The following ARPP21 variants were observed in gnomAD, a reference collection of about 807,000 sequenced individuals.
The protein encoded by ARPP21 is cAMP-regulated phosphoprotein 21.
Under a neutral mutation model 113.2 loss-of-function variants are expected in ARPP21, and 69 were observed. The observed-to-expected ratio is 0.61, with a 90% CI of 0.50 to 0.74. The LOEUF is 0.74. Ranked by LOEUF, ARPP21 falls within the 30% of genes least tolerant of loss-of-function variation. The pLI, the probability that ARPP21 is intolerant of heterozygous loss-of-function variation, is 0.00. For synonymous variants in ARPP21, 368 were observed against 375.5 expected (o/e 0.98, Z 0.23); for missense variants, 1,070 against 1,037.4 (o/e 1.03, Z -0.43).
chr3:35,732,955 T>C (rs1032634794), intron 15 of ARPP21, among the ~76,000 whole-genome samples: 6 of 152,212 alleles, frequency 3.9e-5, no homozygotes, highest in African/African-American at 1.2e-4. Flanking sequence ...AAGTTAATCC[T>C]TGTCTATCCA....
chr3:35,739,434 C>T lies in ARPP21; in HGVS notation c.1867C>T (p.Gln623Ter). 1 of 1,614,172 alleles carries T rather than the reference C, an allele frequency of 6.2e-7. No individual in the cohort carries two copies. Among genetic ancestry groups the T allele is most frequent in the Non-Finnish European group, 8.5e-7 (1 of 1,180,036 alleles). Reference protein sequence around the residue: ...YPSSLMPQPAQQPSYVIASTG... With the variant: ...YPSSLMPQPA ...ATCCTCCCTTATGCCACAGCCGGCC[C>T]AGCAGCCCAGCTATGTAATCGCCTC... Residue 623 changes from glutamine (Q) to a stop codon, truncating the protein, a stop_gained, in exon 18 of 21, where the codon CAG becomes TAG. Coordinates refer to ENST00000684406, the MANE Select transcript of ARPP21 (RefSeq NM_001385562.1). LOFTEE classifies it high-confidence loss of function.
At chr3:35,734,917 G>C (rs989411068) in intron 15 of ARPP21, among the ~76,000 whole-genome samples, 4 of 152,170 alleles carry the variant, frequency 2.6e-5, no homozygotes, top group Admixed American at 2.0e-4. Flanking sequence ...ATGAGACCTA[G>C]AGTATATCTA....
At chr3:35,778,855 A>G (rs1225915440) in intron 19 of ARPP21, among the ~76,000 whole-genome samples, 1 of 152,226 alleles carries the variant, frequency 6.6e-6, no homozygotes, top group Non-Finnish European at 1.5e-5. Context: ...AAGGTGCACC[A>G]GGAATTGTTA....
intron 19 of ARPP21, chr3:35,774,722 T>C (rs1487533594): frequency 6.6e-6 from 1 of 152,152 alleles, no homozygotes; most frequent in African/African-American, 2.4e-5. Flanking sequence ...CTATGTACAA[T>C]TAAGTAGAAA....
intron 19 of ARPP21, among the ~76,000 whole-genome samples, chr3:35,789,988 C>T (rs553549814): frequency 3.3e-5 from 5 of 152,290 alleles, no homozygotes; most frequent in African/African-American, 9.6e-5. Context: ...TAAGGAAATA[C>T]GTAAATAATC....
intron 14 of ARPP21, among the ~76,000 whole-genome samples, chr3:35,724,085 C>T (rs148642621): frequency 1.3e-5 from 2 of 152,302 alleles, no homozygotes; most frequent in East Asian, 3.9e-4. Context: ...TCTTCTCCTC[C>T]TCTAATTACA....
rs1697534500 is a variant in ARPP21 at position 35,639,909 on chromosome 3, G to T, written c.-702G>T. On this transcript the variant is annotated 5_prime_UTR_variant, in exon 1 of 21. Transcript: ENST00000684406. The surrounding 1 kb of genome is among the most constrained non-coding windows in gnomAD (Gnocchi z 5.0). ...TGCGAGAGTGGCAGCTTTGAGAGCA[G>T]AGCGCAGCAAAGCGAGAATCCCGCG... 1.3e-5 allele frequency: 2 copies of T among 152,368 alleles called. No homozygotes were observed. The highest frequency in any genetic ancestry group is 6.5e-5 in the Admixed American group (1 of 15,284). The allele number at this position is 152,368 out of a possible 1,614,324, so 9.4% of individuals were successfully genotyped here.
chr3:35,742,973 T>C (rs1260765350), intron 18 of ARPP21, among the ~76,000 whole-genome samples: 2 of 152,210 alleles, frequency 1.3e-5, no homozygotes, highest in African/African-American at 4.8e-5. Context: ...TTGATTTGGA[T>C]CATAATCAAA....
At chr3:35,654,895 CTTAA>C (rs1559520672) in intron 1 of ARPP21, among the ~76,000 whole-genome samples, 1 of 151,988 alleles carries the variant, frequency 6.6e-6, no homozygotes, top group Non-Finnish European at 1.5e-5. Flanking sequence ...AAAGACAATG[CTTAA>C]TTTTTATTAA....
At chr3:35,700,767 A>C (rs2086049442) in intron 9 of ARPP21, among the ~76,000 whole-genome samples, 1 of 151,830 alleles carries the variant, frequency 6.6e-6, no homozygotes, top group South Asian at 2.1e-4. Context: ...ACATTTGTAG[A>C]TTAACACTAG....
At chr3:35,671,069 C>T (rs957050183) in intron 1 of ARPP21, among the ~76,000 whole-genome samples, 2 of 152,122 alleles carry the variant, frequency 1.3e-5, no homozygotes, top group Admixed American at 1.3e-4. Flanking sequence ...ATTTGCTGTA[C>T]CAGAGTCTCT....
intron 9 of ARPP21, 82 bp downstream of exon 9, chr3:35,691,087 G>A: frequency 1.4e-6 from 2 of 1,395,094 alleles, no homozygotes; most frequent in Non-Finnish European, 1.9e-6. Context: ...AAAATTCACA[G>A]TACATGACAT....
chr3:35,730,756 G>A (rs1292582551), intron 15 of ARPP21, among the ~76,000 whole-genome samples: 2 of 152,190 alleles, frequency 1.3e-5, no homozygotes, highest in Non-Finnish European at 2.9e-5. Context: ...AGGAAATTCA[G>A]AGAAATATGA....
intron 19 of ARPP21, among the ~76,000 whole-genome samples, chr3:35,778,193 C>T (rs1349580546): frequency 6.6e-6 from 1 of 152,182 alleles, no homozygotes; most frequent in Non-Finnish European, 1.5e-5. Context: ...TGGTCCCTGA[C>T]ATGGAAACAT....
intron 19 of ARPP21, among the ~76,000 whole-genome samples, chr3:35,791,004 C>G (rs1363507474): frequency 6.6e-6 from 1 of 152,276 alleles, no homozygotes; most frequent in African/African-American, 2.4e-5. Flanking sequence ...CTCCAATTCT[C>G]CAAACTGAGG....
At chr3:35,749,126 G>T (rs143516937) in intron 19 of ARPP21, among the ~76,000 whole-genome samples, 2 of 152,278 alleles carry the variant, frequency 1.3e-5, no homozygotes, top group East Asian at 3.9e-4. Context: ...ATAGAGGCAG[G>T]TAATATTTAG....
At chr3:35,709,955 G>T (rs1004603607) in intron 11 of ARPP21, among the ~76,000 whole-genome samples, 2 of 152,142 alleles carry the variant, frequency 1.3e-5, no homozygotes, top group Non-Finnish European at 2.9e-5. Flanking sequence ...AGAGAAGTAG[G>T]CTTCAGTGCT....
At chr3:35,669,801 C>A (rs17033657) in intron 1 of ARPP21, among the ~76,000 whole-genome samples, 9,145 of 152,210 alleles carry the variant, frequency 0.06, 444 homozygotes, top group African/African-American at 0.13. Flanking sequence ...CAACCATGTA[C>A]AAAGCTAATT....
intron 13 of ARPP21, among the ~76,000 whole-genome samples, chr3:35,720,920 T>C (rs2093000466): frequency 6.6e-6 from 1 of 152,226 alleles, no homozygotes; most frequent in Non-Finnish European, 1.5e-5. Flanking sequence ...TGTCAGTGTA[T>C]AGTGTTTACA....
Sources: gnomAD v4.1 joint callset for allele counts (sites outside exome capture counted in the v4.1 genomes callset) on GRCh38, gnomAD v4.1.1 for gene constraint, Gnocchi (gnomAD v3.1) non-coding constraint, MANE v1.5 for transcripts, NCBI Gene and HGNC (gene_info 2026-07-23, HGNC 2026-07-21) for gene names.